The following TGM5 variants were observed in gnomAD, a reference collection of about 807,000 sequenced individuals.
TGM5 encodes transglutaminase 5.
TGM5 carries 69 observed loss-of-function variants against 77.2 expected under a neutral mutation model. The ratio of observed to expected loss-of-function variants is 0.89; its 90% CI spans 0.74 to 1.09. The LOEUF (loss-of-function observed/expected upper bound fraction) is 1.09, where lower values mean the gene tolerates loss of function less well. Among genes scored for constraint, TGM5 ranks in the 50% least tolerant of loss-of-function variants. The pLI is 0.00. For synonymous variants in TGM5, 346 were observed against 351.8 expected, an observed-to-expected ratio of 0.98 and a Z score of 0.18; for missense variants, 842 against 896.5, an observed-to-expected ratio of 0.94 and a Z score of 0.78.
intron 1 of TGM5, among the ~76,000 whole-genome samples, chr15:43,262,257 C>T (rs534269641): frequency 4.6e-5 from 7 of 152,242 alleles, no homozygotes; most frequent in East Asian, 1.9e-4. Context: ...TTTACATGAC[C>T]GGTTCATTTG....
intron 3 of TGM5, among the ~76,000 whole-genome samples, chr15:43,259,187 C>T (rs2042766609): frequency 6.6e-6 from 1 of 152,160 alleles, no homozygotes; most frequent in Non-Finnish European, 1.5e-5. Context: ...CTGACCCCTT[C>T]TGCCCACACC....
At chr15:43,241,157 C>G in intron 6 of TGM5, 167 bp from the exon 7 acceptor site, 1 of 886,982 alleles carries the variant, frequency 1.1e-6, no homozygotes, top group Non-Finnish European at 1.8e-6. Flanking sequence ...TCCTTCCCCA[C>G]TTCTGGAGCT....
Position 43,238,765 on chromosome 15 carries a change from G to A in TGM5, c.1345+52C>T, listed in dbSNP as rs892770782. 2.8e-5 allele frequency: 45 copies of A among 1,605,878 alleles called. No homozygotes were observed. The African/African-American group carries it at 5.1e-4, about 18-fold the overall frequency. ...ATGCTCTCTGGCTCCCTGGGGTAGG[G>A]GAAGGTTCCTGCAGGGCTGGGGCTC... On this transcript the variant is annotated intron_variant, in intron 9 of 12. Coordinates refer to ENST00000220420, the MANE Select transcript of TGM5 (RefSeq NM_201631.4).
At chr15:43,264,317 T>C (rs1037139803) in intron 1 of TGM5, among the ~76,000 whole-genome samples, 1 of 152,140 alleles carries the variant, frequency 6.6e-6, no homozygotes, top group East Asian at 1.9e-4. Context: ...CATGTTCACA[T>C]AATACCTGAA....
At position 43,235,678 on chromosome 15, in the gene TGM5, C is replaced by A; in HGVS notation, c.1505G>T (p.Ser502Ile). 2 of 1,614,210 alleles carry A rather than the reference C, an allele frequency of 1.2e-6. No individual in the cohort carries two copies. The highest frequency in any genetic ancestry group is 1.7e-6 in the Non-Finnish European group (2 of 1,180,040). Residue 502 changes from serine to isoleucine, a missense_variant, in exon 10 of 13, where the codon AGT becomes ATT. Physicochemically the swap from Ser to Ile is moderately radical, Grantham distance 142. Transcript: ENST00000220420. Reference sequence around the variant, plus strand: ...TTTCAGGGAGACTTGCACCACATCACTGGGTCGAAGGGAAGGTGTATGCAG... The same window carrying A: ...TTTCAGGGAGACTTGCACCACATCAATGGGTCGAAGGGAAGGTGTATGCAG... ...RSLHTPSLRP[S>I]DVVQVSLKFK...
At chr15:43,261,089 T>TTTTTTTG (rs2042785908) in intron 1 of TGM5, among the ~76,000 whole-genome samples, 2 of 119,272 alleles carry the variant, frequency 1.7e-5, no homozygotes, top group African/African-American at 6.8e-5. Flanking sequence ...TTTTTTTTTT[T>TTTTTTTG]TTTTTTTTTT....
rs199676346 is a variant in TGM5 at position 43,261,060 on chromosome 15, C to CTTTTTTTTTTTTTTTT, written c.11-482_11-481insAAAAAAAAAAAAAAAA. 1.1e-4 allele frequency among the ~76,000 whole-genome samples: 10 copies of CTTTTTTTTTTTTTTTT among 90,596 alleles called. 1 individual carries two copies. Among genetic ancestry groups the CTTTTTTTTTTTTTTTT allele is most frequent in the African/African-American group, 3.8e-4 (6 of 15,798 alleles). The allele number at this position is 90,596 out of a possible 152,430, so 59.4% of individuals were successfully genotyped here. A position where few individuals can be genotyped will look rare whatever the true frequency, so the allele number is the denominator to read the frequency against. ...TAACTCCTTGGGCTAGCTGCTCTTC[C>CTTTTTTTTTTTTTTTT]TTTTTTTGTGTGTGTGTTTTTTTTT... On this transcript the variant is annotated intron_variant, in intron 1 of 12. Coordinates refer to ENST00000220420, the MANE Select transcript of TGM5 (RefSeq NM_201631.4).
chr15:43,236,431 C>T (rs1282613686), intron 9 of TGM5, among the ~76,000 whole-genome samples: 7 of 152,146 alleles, frequency 4.6e-5, no homozygotes, highest in South Asian at 2.1e-4. Context: ...AGGGTGGCCC[C>T]AGCTTCCCTG....
intron 1 of TGM5, among the ~76,000 whole-genome samples, chr15:43,261,930 T>C (rs1197800822): frequency 6.6e-6 from 1 of 152,244 alleles, no homozygotes; most frequent in African/African-American, 2.4e-5. Flanking sequence ...TCTCCTACAG[T>C]CTGCCATATA....
rs2042587677 is a variant in TGM5, at chr15:43,235,971, A to G, written c.1346-134T>C. 9.8e-6 allele frequency: 12 copies of G among 1,218,508 alleles called. No homozygotes were observed. The South Asian group carries it at 1.5e-4, about 15-fold the overall frequency. The allele number at this position is 1,218,508 out of a possible 1,614,324, so 75.5% of individuals were successfully genotyped here. ...ACTCCCAGTAACAAGCACTCCCTCC[A>G]CTCCTCATGTGCTTTCCCAGGCAGG... On this transcript the variant is annotated intron_variant, in intron 9 of 12. Coordinates refer to ENST00000220420, the MANE Select transcript of TGM5 (RefSeq NM_201631.4).
At chr15:43,261,452 C>A (rs1310514748) in intron 1 of TGM5, among the ~76,000 whole-genome samples, 1 of 152,118 alleles carries the variant, frequency 6.6e-6, no homozygotes, top group Non-Finnish European at 1.5e-5. Context: ...GTGCTCAGTG[C>A]CCTGGGAGCT....
chr15:43,235,745 G>T lies in TGM5; in HGVS notation c.1438C>A (p.Pro480Thr). ...HGSQRGAELQ[P>T]SRPTSLSQDS... is the part of the protein sequence containing the mutation. The stretch of plus-strand genomic sequence containing the variant: ...TGGCTCAGTGATGTGGGCCTGGAAG[G>T]TTGCAACTCTGCTCCTCTTTGGGAG... The change falls in exon 10 of 13, where the codon CCT (proline) becomes ACT (threonine). Residue 480 changes from proline to threonine, a missense_variant. Pro to Thr is a conservative substitution (Grantham distance 38). Coordinates refer to ENST00000220420, the MANE Select transcript of TGM5 (RefSeq NM_201631.4). 6.2e-7 allele frequency: 1 copy of T among 1,614,220 alleles called. No individual in the cohort carries two copies. Among genetic ancestry groups the T allele is most frequent in the Non-Finnish European group, 8.5e-7 (1 of 1,180,044 alleles).
rs375062364 is a variant in TGM5, at chr15:43,260,086, C to T, written c.402G>A (p.Gly134=). The T allele has an allele frequency of 6.2e-6, 10 of 1,614,010 alleles. No homozygotes were observed. In the South Asian group the frequency reaches 1.1e-4, roughly 18 times the overall value. ...AGGGATTGAAAAGCAGGATGAACTC[C>T]CCTAGCTGGTAGGCCGTCACAGACC... ...FQGSVTAYQL[G]EFILLFNPWC... The change falls in exon 3 of 13, where the codon GGG becomes GGA. Residue 134 remains glycine (G), a synonymous_variant. Coordinates refer to ENST00000220420, the MANE Select transcript of TGM5 (RefSeq NM_201631.4).
At chr15:43,260,704 A>G in intron 1 of TGM5, 125 bp from the exon 2 acceptor site, 1 of 1,009,984 alleles carries the variant, frequency 9.9e-7, no homozygotes, top group African/African-American at 1.6e-5. Context: ...ATATCAGTAA[A>G]ATAGAGTCCA....
At chr15:43,233,723 C>A (rs756928688) in intron 11 of TGM5, 36 bp from the exon 12 acceptor site, 37 of 1,611,724 alleles carry the variant, frequency 2.3e-5, no homozygotes, top group Non-Finnish European at 3.1e-5. Flanking sequence ...AATTAGTTCT[C>A]ATTCCCCAAC....
chr15:43,257,716 T>A (rs1051125951), intron 3 of TGM5, among the ~76,000 whole-genome samples: 5 of 152,162 alleles, frequency 3.3e-5, no homozygotes, highest in African/African-American at 1.2e-4. Flanking sequence ...GACCCAGCCA[T>A]ACCATTACTG....
At chr15:43,261,055 T>G in intron 1 of TGM5, among the ~76,000 whole-genome samples, 1 of 139,492 alleles carries the variant, frequency 7.2e-6, no homozygotes, top group African/African-American at 2.9e-5. Context: ...GGCTAGCTGC[T>G]CTTCCTTTTT....
At chr15:43,251,473 T>C (rs2042703106) in intron 6 of TGM5, among the ~76,000 whole-genome samples, 1 of 152,110 alleles carries the variant, frequency 6.6e-6, no homozygotes, top group Admixed American at 6.5e-5. Context: ...CACAAAATTC[T>C]ACCCAGAAGG....
chr15:43,261,613 C>T, intron 1 of TGM5, among the ~76,000 whole-genome samples: 1 of 152,196 alleles, frequency 6.6e-6, no homozygotes, highest in East Asian at 1.9e-4. Context: ...CTGCCATGGT[C>T]CGAGTCACCT....
Sources: gnomAD v4.1 joint callset for allele counts (sites outside exome capture counted in the v4.1 genomes callset) on GRCh38, gnomAD v4.1.1 for gene constraint, MANE v1.5 for transcripts, NCBI Gene and HGNC (gene_info 2026-07-23, HGNC 2026-07-21) for gene names.